The following WASF3 variants were observed in gnomAD, a reference collection of about 807,000 sequenced individuals.
WASF3 encodes actin-binding protein WASF3.
A neutral mutation model predicts 46.6 loss-of-function variants in WASF3; 11 were observed. That is an observed-to-expected ratio of 0.24 (90% CI 0.15 to 0.39). The LOEUF is 0.39. WASF3 is among the 10% of genes least tolerant of loss of function. The pLI, the probability that WASF3 is intolerant of heterozygous loss-of-function variation, is 1.00. For missense variants in WASF3, 576 were observed against 669.8 expected, an observed-to-expected ratio of 0.86 and a Z score of 1.55; for synonymous variants, 242 against 259.7, an observed-to-expected ratio of 0.93 and a Z score of 0.65.
Position 26,659,291 on chromosome 13 carries a change from G to A in WASF3, c.134-5737G>A, listed in dbSNP as rs569559841. ...GAAGGAACTGGAAATGCAAAGGCCTGGGGAGAAGGGGGATGCTTGGGTATG... is the reference window on the plus strand; with the variant it reads ...GAAGGAACTGGAAATGCAAAGGCCTAGGGAGAAGGGGGATGCTTGGGTATG... On this transcript the variant is annotated intron_variant, in intron 3 of 9. Coordinates refer to ENST00000335327, the MANE Select transcript of WASF3 (RefSeq NM_006646.6). Among the ~76,000 whole-genome samples the A allele has an allele frequency of 3.3e-5, 5 of 152,316 alleles. No individual in the cohort carries two copies. The East Asian group carries it at 9.7e-4, about 29-fold the overall frequency.
the WASF3 span, among the ~76,000 whole-genome samples, chr13:26,547,147 G>A: frequency 6.6e-6 from 1 of 151,936 alleles, no homozygotes; most frequent in African/African-American, 2.4e-5. Flanking sequence ...AAACAAAACA[G>A]GTGATCTGTC....
chr13:26,543,907 C>T, the WASF3 span, among the ~76,000 whole-genome samples: 2 of 152,104 alleles, frequency 1.3e-5, no homozygotes, highest in South Asian at 2.1e-4. Flanking sequence ...CTACAAGAAC[C>T]GATTTCTAAG....
intron 1 of WASF3, among the ~76,000 whole-genome samples, chr13:26,583,901 G>C (rs564226297): frequency 1.3e-5 from 2 of 152,334 alleles, no homozygotes; most frequent in East Asian, 3.9e-4. Flanking sequence ...CAGTGCAGAA[G>C]CTGAAATGGC....
In WASF3 at chr13:26,611,221, C is replaced by G. The variant is rs149352624; in HGVS notation, c.-108-1740C>G. 2.4e-3 allele frequency among the ~76,000 whole-genome samples: 361 copies of G among 152,050 alleles called. 2 individuals are homozygous for G. The highest frequency in any genetic ancestry group is 8.4e-3 in the African/African-American group (350 of 41,462). On this transcript the variant is annotated intron_variant, in intron 1 of 9. Transcript: ENST00000335327. Reference sequence around the variant, plus strand: ...TCATCCTGACTCTTCTTTTTCCTAGCTGTGTGATCCTAAAAAACTCACTTT... The same window carrying G: ...TCATCCTGACTCTTCTTTTTCCTAGGTGTGTGATCCTAAAAAACTCACTTT...
intron 2 of WASF3, among the ~76,000 whole-genome samples, chr13:26,617,651 A>T (rs905660643): frequency 2.0e-5 from 3 of 152,180 alleles, no homozygotes; most frequent in Non-Finnish European, 4.4e-5. Flanking sequence ...AAATATTAAT[A>T]GTTTCTATCT....
At chr13:26,632,797 G>T (rs528047088) in intron 2 of WASF3, among the ~76,000 whole-genome samples, 17 of 152,234 alleles carry the variant, frequency 1.1e-4, no homozygotes, top group African/African-American at 3.9e-4. Context: ...GAATCTGTCT[G>T]GTCCTGGACT....
chr13:26,672,434 G>A (rs1283056165), intron 6 of WASF3, among the ~76,000 whole-genome samples: 1 of 152,180 alleles, frequency 6.6e-6, no homozygotes, highest in South Asian at 2.1e-4. Context: ...TGATTTGCAC[G>A]TTCAGCGGAT....
chr13:26,540,209 C>T, the WASF3 span, among the ~76,000 whole-genome samples: 2 of 152,332 alleles, frequency 1.3e-5, no homozygotes, highest in African/African-American at 4.8e-5. Context: ...GCTCCTCCTA[C>T]TCCATCTCTG....
At chr13:26,672,405 T>C (rs1882947552) in intron 6 of WASF3, among the ~76,000 whole-genome samples, 1 of 152,210 alleles carries the variant, frequency 6.6e-6, no homozygotes, top group Non-Finnish European at 1.5e-5. Flanking sequence ...GATGTTCACA[T>C]GGGATTGAGA....
intron 1 of WASF3, chr13:26,609,402 C>T (rs184366413): frequency 5.9e-5 from 9 of 152,142 alleles, no homozygotes; most frequent in East Asian, 1.9e-4. Flanking sequence ...TTTGAAATTA[C>T]CTGCACTCAT....
chr13:26,683,308 C>CA lies in WASF3; in HGVS notation c.1351+340dup, dbSNP rs376838177. 2.2e-3 allele frequency among the ~76,000 whole-genome samples: 335 copies of CA among 151,574 alleles called. 2 individuals are homozygous for CA. The highest frequency in any genetic ancestry group is 7.9e-3 in the African/African-American group (325 of 41,362). On this transcript the variant is annotated intron_variant, in intron 9 of 9. Coordinates refer to ENST00000335327, the MANE Select transcript of WASF3 (RefSeq NM_006646.6). ...GCAACATGGCAAAACTCTATCCCTACAAAAAATGCAAAAAAAAATTAGCTG... is the reference window on the plus strand; with the variant it reads ...GCAACATGGCAAAACTCTATCCCTACAAAAAAATGCAAAAAAAAATTAGCTG...
intron 6 of WASF3, among the ~76,000 whole-genome samples, chr13:26,674,857 G>A (rs917481788): frequency 6.6e-5 from 10 of 152,108 alleles, no homozygotes; most frequent in Non-Finnish European, 1.3e-4. Flanking sequence ...AAAGACTGAA[G>A]AACTAGTTTA....
At chr13:26,616,951 A>G (rs971538563) in intron 2 of WASF3, among the ~76,000 whole-genome samples, 3 of 152,206 alleles carry the variant, frequency 2.0e-5, no homozygotes, top group South Asian at 2.1e-4. Flanking sequence ...GCTGGCGACA[A>G]TTCACCAACA....
At chr13:26,596,464 TTTAA>T (rs1241120958) in intron 1 of WASF3, among the ~76,000 whole-genome samples, 6 of 152,182 alleles carry the variant, frequency 3.9e-5, no homozygotes, top group Admixed American at 3.9e-4. Flanking sequence ...ATATTCTGAC[TTTAA>T]TTATTTTTGA....
the WASF3 span, among the ~76,000 whole-genome samples, chr13:26,539,399 C>A: frequency 2.0e-5 from 3 of 152,044 alleles, no homozygotes; most frequent in Non-Finnish European, 4.4e-5. Flanking sequence ...GCAATTTAAC[C>A]CTGCAAATAG....
intron 9 of WASF3, among the ~76,000 whole-genome samples, chr13:26,685,073 G>C (rs1883360443): frequency 7.4e-6 from 1 of 135,348 alleles, no homozygotes. Flanking sequence ...GGGTCACAGA[G>C]TGAGACCCAA....
intron 3 of WASF3, among the ~76,000 whole-genome samples, chr13:26,649,991 C>T (rs1442314441): frequency 2.0e-5 from 3 of 152,052 alleles, no homozygotes; most frequent in South Asian, 2.1e-4. Context: ...ATTGCTTGAA[C>T]CCAGCAGGCG....
chr13:26,642,438 A>T (rs1882027438), intron 3 of WASF3, 35 bp downstream of exon 3: 4 of 1,553,664 alleles, frequency 2.6e-6, no homozygotes, highest in Admixed American at 2.2e-5. Flanking sequence ...CAATGACATT[A>T]ACTTTTTGTT....
At chr13:26,544,500 G>A in the WASF3 span, among the ~76,000 whole-genome samples, 3 of 152,176 alleles carry the variant, frequency 2.0e-5, no homozygotes, top group Non-Finnish European at 4.4e-5. Flanking sequence ...CAGGATGCCC[G>A]CTAGTATTAT....
Sources: allele counts gnomAD v4.1 joint callset (sites outside exome capture counted in the v4.1 genomes callset), GRCh38; gene constraint gnomAD v4.1.1; transcripts MANE v1.5; gene names NCBI Gene and HGNC (gene_info 2026-07-23, HGNC 2026-07-21).